Variants in ANKRD45 observed in about 807,000 individuals in gnomAD.
ANKRD45 encodes the protein ankyrin repeat domain-containing protein 45.
A neutral mutation model predicts 28.1 loss-of-function variants in ANKRD45; 21 were observed. The ratio of observed to expected loss-of-function variants is 0.75; its 90% CI spans 0.53 to 1.08. The LOEUF (loss-of-function observed/expected upper bound fraction) is 1.08. Ranked by LOEUF, ANKRD45 falls within the 50% of genes least tolerant of loss-of-function variation. The pLI, the probability that ANKRD45 is intolerant of heterozygous loss-of-function variation, is 0.00. For missense variants in ANKRD45, 261 were observed against 308.7 expected, an observed-to-expected ratio of 0.85 and a Z score of 1.16; for synonymous variants, 86 against 103.9, an observed-to-expected ratio of 0.83 and a Z score of 1.05.
At chr1:173,613,557 GGT>G (rs1412844651) in intron 5 of ANKRD45, among the ~76,000 whole-genome samples, 7 of 141,582 alleles carry the variant, frequency 4.9e-5, no homozygotes, top group African/African-American at 1.5e-4. Flanking sequence ...GGAGGTGGGG[GGT>G]CAGCCCCCCC....
In ANKRD45 at chr1:173,646,848, G is replaced by A; in HGVS notation, c.494C>T (p.Ala165Val). ...TAACCCCTTGTGAGCTTCCTTACCT[G>A]CCCAGTCCAGGAATTCAACACACTC... ...QTECVEFLDW[A>V]DARLTLKKYI... is the part of the protein sequence containing the mutation. Residue 165 changes from alanine to valine, a missense_variant and splice_region_variant, in exon 3 of 6, where the codon GCA (alanine) becomes GTA (valine). Transcript: ENST00000333279. 6.2e-7 allele frequency: 1 copy of A among 1,613,618 alleles called. No homozygotes were observed. The highest frequency in any genetic ancestry group is 8.5e-7 in the Non-Finnish European group (1 of 1,179,670).
chr1:173,659,528 A>G, intron 1 of ANKRD45, 95 bp from the exon 2 acceptor site: 1 of 1,071,586 alleles, frequency 9.3e-7, no homozygotes. Context: ...TATAGATGGT[A>G]TAAAAATACT....
chr1:173,641,198 T>C (rs1209436167), intron 3 of ANKRD45, among the ~76,000 whole-genome samples: 1 of 152,224 alleles, frequency 6.6e-6, no homozygotes, highest in African/African-American at 2.4e-5. Context: ...TGCAAATGCC[T>C]GGCTGAAATC....
rs561517297 is a variant in ANKRD45 at position 173,610,757 on chromosome 1, G to T, written c.731-542C>A. Among the ~76,000 whole-genome samples, 7 of 151,928 alleles carry T rather than the reference G, an allele frequency of 4.6e-5. 1 individual carries two copies. The highest frequency in any genetic ancestry group is 2.6e-4 in the Admixed American group (4 of 15,262). On this transcript the variant is annotated intron_variant, in intron 5 of 5. Transcript: ENST00000333279. ...GGACTGTTTGAACCCAGGAATTCAA[G>T]TTCAGCCTGGGTAACATAGCAAGAC...
At chr1:173,707,535 G>T in the ANKRD45 span, among the ~76,000 whole-genome samples, 1 of 151,966 alleles carries the variant, frequency 6.6e-6, no homozygotes, top group Non-Finnish European at 1.5e-5. Context: ...GTTTCACCAT[G>T]CTGGCCAGCC....
chr1:173,689,464 G>C, the ANKRD45 span, among the ~76,000 whole-genome samples: 1 of 151,736 alleles, frequency 6.6e-6, no homozygotes, highest in Non-Finnish European at 1.5e-5. Context: ...TACTTTCTGA[G>C]CTTCCCTGAG....
chr1:173,656,401 T>C (rs1329287074), intron 2 of ANKRD45, among the ~76,000 whole-genome samples: 2 of 152,232 alleles, frequency 1.3e-5, no homozygotes, highest in Non-Finnish European at 2.9e-5. Flanking sequence ...CTTCCTAAAC[T>C]CTCTTAGCAC....
At chr1:173,704,035 A>T in the ANKRD45 span, among the ~76,000 whole-genome samples, 1 of 152,202 alleles carries the variant, frequency 6.6e-6, no homozygotes, top group Non-Finnish European at 1.5e-5. Context: ...TTGTAACTTA[A>T]TCTGGTTATT....
chr1:173,687,170 C>G, the ANKRD45 span, among the ~76,000 whole-genome samples: 1 of 152,130 alleles, frequency 6.6e-6, no homozygotes, highest in Admixed American at 6.6e-5. Context: ...TCTTATGCAT[C>G]CTTATAATCC....
At chr1:173,648,628 T>C (rs1669039065) in intron 2 of ANKRD45, among the ~76,000 whole-genome samples, 1 of 152,198 alleles carries the variant, frequency 6.6e-6, no homozygotes, top group African/African-American at 2.4e-5. Flanking sequence ...GGTTTCATGA[T>C]GACATAGAAT....
chr1:173,701,707 A>G, the ANKRD45 span, among the ~76,000 whole-genome samples: 1 of 152,182 alleles, frequency 6.6e-6, no homozygotes, highest in Admixed American at 6.5e-5. Context: ...ATTAGGAGAA[A>G]TACCTAATGT....
intron 5 of ANKRD45, among the ~76,000 whole-genome samples, chr1:173,611,576 TAC>T (rs57884253): frequency 0.17 from 22,248 of 133,676 alleles, 1,580 homozygotes; most frequent in Non-Finnish European, 0.22. Flanking sequence ...AATACATACA[TAC>T]ACACACACAC....
intron 2 of ANKRD45, among the ~76,000 whole-genome samples, chr1:173,654,796 CT>C (rs1266627610): frequency 6.6e-6 from 1 of 152,134 alleles, no homozygotes; most frequent in African/African-American, 2.4e-5. Flanking sequence ...TTGTTCATTT[CT>C]TTTTACTCTT....
At chr1:173,702,391 A>G in the ANKRD45 span, among the ~76,000 whole-genome samples, 293 of 152,310 alleles carry the variant, frequency 1.9e-3, 2 homozygotes, top group South Asian at 8.7e-3. Context: ...TCAGAGTATC[A>G]TCATATAGGG....
intron 2 of ANKRD45, among the ~76,000 whole-genome samples, chr1:173,647,386 T>C (rs12075071): frequency 0.42 from 64,505 of 152,000 alleles, 17,251 homozygotes; most frequent in African/African-American, 0.75. Context: ...CAACTGGACC[T>C]GTGATTTTAA....
chr1:173,627,059 C>A lies in ANKRD45; in HGVS notation c.591+6G>T. On this transcript the variant is annotated splice_donor_region_variant and intron_variant, in intron 4 of 5. Transcript: ENST00000333279. Reference sequence around the variant, plus strand: ...TACAGAACAAGCAATAATCACAATACAGTACCTTGTCTTCCTTAAGGAGTT... The same window carrying A: ...TACAGAACAAGCAATAATCACAATAAAGTACCTTGTCTTCCTTAAGGAGTT... 1 of 1,586,748 alleles carries A rather than the reference C, an allele frequency of 6.3e-7. No individual in the cohort carries two copies.
At chr1:173,618,211 T>G (rs1667547683) in intron 5 of ANKRD45, among the ~76,000 whole-genome samples, 1 of 152,182 alleles carries the variant, frequency 6.6e-6, no homozygotes, top group Non-Finnish European at 1.5e-5. Flanking sequence ...GCAAAAATGC[T>G]GAAAACTCAA....
chr1:173,648,308 C>A (rs1354923474), intron 2 of ANKRD45, among the ~76,000 whole-genome samples: 4 of 152,054 alleles, frequency 2.6e-5, no homozygotes, highest in African/African-American at 9.7e-5. Flanking sequence ...AACTCCTGGG[C>A]TTAAGCAGTC....
intron 2 of ANKRD45, among the ~76,000 whole-genome samples, chr1:173,649,270 C>T (rs1669071424): frequency 6.6e-6 from 1 of 152,034 alleles, no homozygotes; most frequent in Non-Finnish European, 1.5e-5. Context: ...CAGGTATGTC[C>T]ATGAACAACT....
Sources: allele counts gnomAD v4.1 joint callset (sites outside exome capture counted in the v4.1 genomes callset), GRCh38; gene constraint gnomAD v4.1.1; transcripts MANE v1.5; gene names NCBI Gene and HGNC (gene_info 2026-07-23, HGNC 2026-07-21).